ANPEP: variants seen among roughly 807,000 people sequenced by gnomAD.
ANPEP encodes aminopeptidase N.
In ANPEP, 70 loss-of-function variants were observed where a neutral mutation model predicts 114.6. The observed-to-expected ratio is 0.61, with a 90% CI of 0.50 to 0.75. ANPEP has a LOEUF of 0.75. ANPEP is among the 30% of genes least tolerant of loss of function. ANPEP has a pLI of 0.00. For missense variants in ANPEP, 1,184 were observed against 1,259.5 expected (o/e 0.94, Z 0.91); for synonymous variants, 548 against 522.3 (o/e 1.05, Z -0.67).
chr15:89,792,507 C>T lies in ANPEP; in HGVS notation c.2305G>A (p.Glu769Lys). 6.2e-7 allele frequency: 1 copy of T among 1,614,192 alleles called. No individual in the cohort carries two copies. Among genetic ancestry groups the T allele is most frequent in the Non-Finnish European group, 8.5e-7 (1 of 1,180,024 alleles). The change falls in exon 17 of 21, where the codon GAG becomes AAG. Residue 769 changes from glutamate (E) to lysine (K), a missense_variant. Physicochemically the swap from Glu to Lys is moderately conservative, Grantham distance 56. Transcript: ENST00000300060. ...TTGAAAAGGCCAGAGACCATCTCCT[C>T]ACACTCTGGAACTCCGTTGGAGCAG... is the stretch of plus-strand genomic sequence containing the variant. ...TACSNGVPEC[E>K]EMVSGLFKQW...
Position 89,803,562 on chromosome 15 carries a change from G to A in ANPEP, c.1438-55C>T, listed in dbSNP as rs1157794545. On this transcript the variant is annotated intron_variant, in intron 8 of 20. Transcript: ENST00000300060. The surrounding 1 kb of genome is among the most constrained non-coding windows in gnomAD (Gnocchi z 4.2). ...GGCTGTGCAGAGCCACCAGGACCCT[G>A]TGCCCCCAGACCCTGCCTTCAGTGA... The A allele has an allele frequency of 9.4e-6, 15 of 1,602,850 alleles. No homozygotes were observed. The South Asian group carries it at 1.3e-4, about 14-fold the overall frequency.
Position 89,785,482 on chromosome 15 carries a change from T to G in ANPEP, c.2771A>C (p.Asp924Ala), listed in dbSNP as rs1968491332. Residue 924 changes from aspartate (D) to alanine (A), a missense_variant, in exon 21 of 21, where the codon GAC becomes GCC. Transcript: ENST00000300060. ...ELQQLEQFKK[D>A]NEETGFGSGT... ...TGAGCCGAAGCCTGTTTCCTCGTTG[T>G]CCTTCTTGAACTGCTCCAGCTGCCA... The G allele has an allele frequency of 2.5e-6, 4 of 1,614,032 alleles. No individual in the cohort carries two copies. In the East Asian group the frequency reaches 8.9e-5, roughly 36 times the overall value.
chr15:89,803,772 T>G lies in ANPEP; in HGVS notation c.1312A>C (p.Asn438His), dbSNP rs1894647332. ...ACTGCCATCACGCGGTACACATCAT[T>G]CAGCACCATGAGGTCTTTCTGCAAA... ...TWNLKDLMVL[N>H]DVYRVMAVDA... Residue 438 changes from asparagine (N) to histidine (H), a missense_variant, in exon 8 of 21, where the codon AAT (asparagine) becomes CAT (histidine). Asn to His is a moderately conservative substitution (Grantham distance 68). Transcript: ENST00000300060. This position sits in a 1 kb window ranked among gnomAD's most constrained non-coding sequence, Gnocchi z 4.2. 1.2e-6 allele frequency: 2 copies of G among 1,608,100 alleles called. No homozygotes were observed. Among genetic ancestry groups the G allele is most frequent in the Non-Finnish European group, 1.7e-6 (2 of 1,175,690 alleles).
Position 89,793,103 on chromosome 15 carries a change from T to C in ANPEP, c.2181A>G (p.Thr727=). Residue 727 remains threonine, a synonymous_variant, in exon 16 of 21, where the codon ACA becomes ACG. Transcript: ENST00000300060. ...TATTTCTGAAGTGAATGAAGAGGGGTGTGACCTGCTTCTTCAGGTAGTTCT... is the reference window on the plus strand; with the variant it reads ...TATTTCTGAAGTGAATGAAGAGGGGCGTGACCTGCTTCTTCAGGTAGTTCT... ...PMKNYLKKQV[T]PLFIHFRNNT... 1 of 1,613,948 alleles carries C rather than the reference T, an allele frequency of 6.2e-7. No homozygotes were observed. Among genetic ancestry groups the C allele is most frequent in the East Asian group, 2.2e-5 (1 of 44,874 alleles).
At chr15:89,810,158 T>G (rs1384224177) in intron 1 of ANPEP, among the ~76,000 whole-genome samples, 1 of 152,068 alleles carries the variant, frequency 6.6e-6, no homozygotes, top group Non-Finnish European at 1.5e-5. Context: ...GGTGGGCAGA[T>G]CACGAGGTCA....
rs1894561525 is a variant in ANPEP at position 89,800,302 on chromosome 15, C to T, written c.1820-743G>A. On this transcript the variant is annotated intron_variant, in intron 12 of 20. Coordinates refer to ENST00000300060, the MANE Select transcript of ANPEP (RefSeq NM_001150.3). Reference sequence around the variant, plus strand: ...GCTCACCTCCTCCGGGAAGCCCTCCCTGACCTCTCCATGAACTTGAATCTC... The same window carrying T: ...GCTCACCTCCTCCGGGAAGCCCTCCTTGACCTCTCCATGAACTTGAATCTC... Among the ~76,000 whole-genome samples, 5 of 152,186 alleles carry T rather than the reference C, an allele frequency of 3.3e-5. No homozygotes were observed. The South Asian group carries it at 1.0e-3, about 31-fold the overall frequency.
At chr15:89,800,978 C>G in intron 12 of ANPEP, 133 bp downstream of exon 12, 1 of 741,476 alleles carries the variant, frequency 1.3e-6, no homozygotes, top group Non-Finnish European at 2.2e-6. Context: ...GAAGCAGCAG[C>G]AAAGTGGAGA....
intron 6 of ANPEP, 115 bp downstream of exon 6, chr15:89,804,138 C>A: frequency 6.4e-7 from 1 of 1,561,466 alleles, no homozygotes; most frequent in South Asian, 1.2e-5. Context: ...TTCCTGCTGC[C>A]CTGCCAGGCG....
chr15:89,805,033 G>A (rs752430585), intron 4 of ANPEP, 45 bp downstream of exon 4: 33 of 1,612,056 alleles, frequency 2.0e-5, no homozygotes, highest in Non-Finnish European at 2.5e-6. Context: ...GACCCCTCAA[G>A]CCGGGGCCAG....
chr15:89,801,890 C>G (rs1408596424), intron 10 of ANPEP, among the ~76,000 whole-genome samples: 11 of 152,256 alleles, frequency 7.2e-5, no homozygotes, highest in Admixed American at 5.9e-4. Flanking sequence ...GCCCAGGATG[C>G]CCATGGCTCT....
chr15:89,794,635 G>C (rs1014791259), intron 15 of ANPEP, among the ~76,000 whole-genome samples: 1 of 136,454 alleles, frequency 7.3e-6, no homozygotes, highest in African/African-American at 3.2e-5. Flanking sequence ...CCTCCTTGTA[G>C]AGGGCAGCAC....
At chr15:89,787,141 G>T (rs1968522578) in intron 20 of ANPEP, among the ~76,000 whole-genome samples, 1 of 149,910 alleles carries the variant, frequency 6.7e-6, no homozygotes, top group African/African-American at 2.5e-5. Flanking sequence ...CGCCTCCCGG[G>T]TTCAAGCAAT....
rs2141801318 is a variant in ANPEP at position 89,799,087 on chromosome 15, C to T, written c.2009+173G>A. ...TCGGGCAAGGTGTCACATTCTTCAT[C>T]TGTGAAATGGGTGTGTGGGGACCCA... On this transcript the variant is annotated intron_variant, in intron 14 of 20. Coordinates refer to ENST00000300060, the MANE Select transcript of ANPEP (RefSeq NM_001150.3). The surrounding 1 kb of genome is among the most constrained non-coding windows in gnomAD (Gnocchi z 4.2). 6.6e-6 allele frequency among the ~76,000 whole-genome samples: 1 copy of T among 152,350 alleles called. No individual in the cohort carries two copies. The highest frequency in any genetic ancestry group is 2.1e-4 in the South Asian group (1 of 4,828).
intron 19 of ANPEP, 75 bp from the exon 20 acceptor site, chr15:89,790,616 G>T: frequency 7.5e-7 from 1 of 1,337,072 alleles, no homozygotes; most frequent in Non-Finnish European, 1.1e-6. Flanking sequence ...CTACTGGGTA[G>T]GGAGCCATGA....
chr15:89,790,650 G>A (rs759763680), intron 19 of ANPEP, 109 bp from the exon 20 acceptor site: 45 of 1,008,310 alleles, frequency 4.5e-5, no homozygotes, highest in Non-Finnish European at 6.2e-5. Context: ...GAAATGACAC[G>A]CCCTGGGAGA....
At chr15:89,814,255 CTG>C (rs72472450) in intron 1 of ANPEP, among the ~76,000 whole-genome samples, 26,275 of 152,196 alleles carry the variant, frequency 0.17, 2,423 homozygotes, top group Middle Eastern at 0.31. Context: ...TTCCTCTTCA[CTG>C]AGAGCTGCGG....
At chr15:89,814,305 A>G (rs1894869142) in intron 1 of ANPEP, among the ~76,000 whole-genome samples, 1 of 152,198 alleles carries the variant, frequency 6.6e-6, no homozygotes, top group Admixed American at 6.5e-5. Flanking sequence ...CTAAGGTTAA[A>G]GAAAGGGCCT....
chr15:89,812,718 A>AC (rs553526041), intron 1 of ANPEP, among the ~76,000 whole-genome samples: 88 of 150,902 alleles, frequency 5.8e-4, no homozygotes, highest in African/African-American at 2.0e-3. Context: ...CAGGATAATC[A>AC]CCCCCATTTG....
intron 20 of ANPEP, among the ~76,000 whole-genome samples, chr15:89,787,738 G>A (rs1271821785): frequency 1.3e-5 from 2 of 152,188 alleles, no homozygotes; most frequent in African/African-American, 4.8e-5. Context: ...GGCTGAAGTG[G>A]GAGGGTTGCT....
Sources: allele counts gnomAD v4.1 joint callset (sites outside exome capture counted in the v4.1 genomes callset), GRCh38; gene constraint gnomAD v4.1.1; non-coding constraint Gnocchi (gnomAD v3.1); transcripts MANE v1.5; gene names NCBI Gene and HGNC (gene_info 2026-07-23, HGNC 2026-07-21).